The following ZNF81 variants were observed in gnomAD, a reference collection of about 807,000 sequenced individuals.
ZNF81 encodes zinc finger protein 81.
Under a neutral mutation model 32.3 loss-of-function variants are expected in ZNF81, and 5 were observed. The observed-to-expected ratio is 0.15, with a 90% CI of 0.08 to 0.33. ZNF81 has a LOEUF of 0.33. Ranked by LOEUF, ZNF81 falls within the 10% of genes least tolerant of loss-of-function variation. The pLI is 1.00. For synonymous variants in ZNF81, 163 were observed against 166.8 expected (o/e 0.98, Z 0.17); for missense variants, 379 against 479.8 (o/e 0.79, Z 1.96).
At chrX:47,869,604 T>C (rs1219381443) in intron 2 of ZNF81, among the ~76,000 whole-genome samples, 1 of 112,412 alleles carries the variant, frequency 8.9e-6, no homozygotes, top group Non-Finnish European at 1.9e-5. Flanking sequence ...TTTGGAAAAC[T>C]TAAGTTTCAA....
intron 2 of ZNF81, among the ~76,000 whole-genome samples, chrX:47,876,852 C>G (rs905951837): frequency 4.5e-5 from 5 of 111,923 alleles, no homozygotes; most frequent in African/African-American, 1.6e-4. Flanking sequence ...ATACCTGCTG[C>G]CTTTCTGTCC....
intron 4 of ZNF81, among the ~76,000 whole-genome samples, chrX:47,896,926 A>G (rs1162451196): frequency 8.9e-6 from 1 of 112,616 alleles, no homozygotes; most frequent in South Asian, 3.6e-4. Flanking sequence ...ATTCCTTTTG[A>G]ATGACAAATA....
chrX:47,838,036 C>A (rs2058432251), intron 1 of ZNF81, among the ~76,000 whole-genome samples: 2 of 111,364 alleles, frequency 1.8e-5, no homozygotes, highest in African/African-American at 3.3e-5. Context: ...TTTTCATCAC[C>A]CAAGTTCTGT....
chrX:47,899,887 A>C (rs1330425149), intron 4 of ZNF81, among the ~76,000 whole-genome samples: 1 of 111,457 alleles, frequency 9.0e-6, no homozygotes, highest in Non-Finnish European at 1.9e-5. Context: ...GTCTGAGAGC[A>C]TACTCTTTAT....
chrX:47,845,684 A>C lies in ZNF81; in HGVS notation c.-163-421A>C, dbSNP rs182139570. 2.7e-5 allele frequency among the ~76,000 whole-genome samples: 3 copies of C among 112,023 alleles called. No homozygotes were observed. The Admixed American group carries it at 2.8e-4, about 11-fold the overall frequency. ...ATGATTATAACAACACACAGATGAA[A>C]GGATTGTTGTGTAAATTACCTGCTA... On this transcript the variant is annotated intron_variant, in intron 1 of 4. Transcript: ENST00000338637.
chrX:47,860,386 T>G (rs1171737416), intron 2 of ZNF81, among the ~76,000 whole-genome samples: 11 of 108,733 alleles, frequency 1.0e-4, no homozygotes, highest in Non-Finnish European at 1.7e-4. Context: ...TTTCACCGTG[T>G]TAGTCAGGAT....
At chrX:47,858,083 A>G (rs782089222) in intron 2 of ZNF81, among the ~76,000 whole-genome samples, 81 of 111,813 alleles carry the variant, frequency 7.2e-4, no homozygotes, top group Non-Finnish European at 1.4e-3. Flanking sequence ...TCACTCATGA[A>G]TAGTGATGGA....
chrX:47,843,133 G>T (rs1226877120), intron 1 of ZNF81, among the ~76,000 whole-genome samples: 1 of 111,029 alleles, frequency 9.0e-6, no homozygotes, highest in African/African-American at 3.3e-5. Flanking sequence ...TGGTTTTAAG[G>T]CTCTTCCATG....
At chrX:47,844,329 C>T (rs2058462300) in intron 1 of ZNF81, among the ~76,000 whole-genome samples, 1 of 111,084 alleles carries the variant, frequency 9.0e-6, no homozygotes, top group Non-Finnish European at 1.9e-5. Context: ...ATTCATGCCA[C>T]CTCATACTCC....
chrX:47,902,191 A>G (rs2065144036), intron 4 of ZNF81, among the ~76,000 whole-genome samples: 1 of 111,520 alleles, frequency 9.0e-6, no homozygotes, highest in Non-Finnish European at 1.9e-5. Context: ...AATGTCTTGT[A>G]TCTTCGCCAA....
At chrX:47,894,021 G>C (rs1556886841) in intron 3 of ZNF81, among the ~76,000 whole-genome samples, 1 of 111,533 alleles carries the variant, frequency 9.0e-6, no homozygotes, top group Non-Finnish European at 1.9e-5. Context: ...ACCAGAGCTG[G>C]ACAATAGTTA....
chrX:47,883,825 A>G (rs2058630120), intron 2 of ZNF81, among the ~76,000 whole-genome samples: 1 of 112,071 alleles, frequency 8.9e-6, no homozygotes. Flanking sequence ...GCTCTCAGTG[A>G]TCCCCACTAC....
At chrX:47,911,312 G>C (rs1221213810) in intron 4 of ZNF81, among the ~76,000 whole-genome samples, 1 of 111,000 alleles carries the variant, frequency 9.0e-6, no homozygotes, top group African/African-American at 3.3e-5. Flanking sequence ...ATTATTTTGT[G>C]CTCTGCCGTC....
intron 4 of ZNF81, among the ~76,000 whole-genome samples, chrX:47,910,988 T>C (rs2058737591): frequency 9.0e-6 from 1 of 111,177 alleles, no homozygotes; most frequent in Admixed American, 9.6e-5. Context: ...TATGCTTGGA[T>C]TATTCTGTTC....
chrX:47,914,337 A>G (rs189229512), intron 4 of ZNF81, among the ~76,000 whole-genome samples: 2 of 112,217 alleles, frequency 1.8e-5, no homozygotes. Context: ...AAATGAATTC[A>G]TATGTACAGT....
At chrX:47,880,101 C>T (rs1556884976) in intron 2 of ZNF81, among the ~76,000 whole-genome samples, 1 of 112,046 alleles carries the variant, frequency 8.9e-6, no homozygotes, top group Non-Finnish European at 1.9e-5. Flanking sequence ...CTAATTCATC[C>T]CTCCAGGAGG....
At chrX:47,911,129 A>T (rs1364577057) in intron 4 of ZNF81, among the ~76,000 whole-genome samples, 1 of 111,429 alleles carries the variant, frequency 9.0e-6, no homozygotes, top group African/African-American at 3.3e-5. Context: ...GTTACTCCAT[A>T]TTATATAACA....
rs138824082 is a variant in ZNF81, at chrX:47,925,286, A to G, written c.*8654A>G. Among the ~76,000 whole-genome samples, 677 of 111,763 alleles carry G rather than the reference A, an allele frequency of 6.1e-3. 8 individuals carry two copies. The highest frequency in any genetic ancestry group is 0.05 in the East Asian group (177 of 3,540). On this transcript the variant is annotated 3_prime_UTR_variant, in exon 5 of 5. Transcript: ENST00000338637. ...TCAATCACCCCAAAAAAGTTTCCTT[A>G]TGCCTCTTTGTCATTCAGCCCCCTT... is the stretch of plus-strand genomic sequence containing the variant.
At chrX:47,839,268 T>C (rs1452121627) in intron 1 of ZNF81, among the ~76,000 whole-genome samples, 1 of 112,185 alleles carries the variant, frequency 8.9e-6, no homozygotes, top group Non-Finnish European at 1.9e-5. Flanking sequence ...TTGGAAGCTT[T>C]TTGATCATGG....
Sources: allele counts gnomAD v4.1 joint callset (sites outside exome capture counted in the v4.1 genomes callset), GRCh38; gene constraint gnomAD v4.1.1; transcripts MANE v1.5; gene names NCBI Gene and HGNC (gene_info 2026-07-23, HGNC 2026-07-21).